Variants in UNC5C observed in about 807,000 individuals in gnomAD.
The protein encoded by UNC5C is netrin receptor UNC5C.
In UNC5C, 47 loss-of-function variants were observed where a neutral mutation model predicts 99.8. The observed-to-expected ratio is 0.47, with a 90% CI of 0.37 to 0.60. The LOEUF (loss-of-function observed/expected upper bound fraction) is 0.60, where lower values mean the gene tolerates loss of function less well. Ranked by LOEUF, UNC5C falls within the 20% of genes least tolerant of loss-of-function variation. The pLI is 0.00. For missense variants in UNC5C, 1,062 were observed against 1,165.9 expected (o/e 0.91, Z 1.30); for synonymous variants, 487 against 452.2 (o/e 1.08, Z -0.98).
At chr4:95,421,491 T>C (rs1746318786) in intron 1 of UNC5C, among the ~76,000 whole-genome samples, 1 of 152,174 alleles carries the variant, frequency 6.6e-6, no homozygotes, top group Non-Finnish European at 1.5e-5. Context: ...TGGTAGATTT[T>C]TTTTTTTTCA....
Position 95,214,737 on chromosome 4 carries a change from G to A in UNC5C, c.1733+1387C>T, listed in dbSNP as rs72878182. ...ATTTCTATTTAAACAAAATGTCCAC[G>A]CTGACAAAGGCCTTGATGGATAGAT... On this transcript the variant is annotated intron_variant, in intron 10 of 15. Transcript: ENST00000453304. Among the ~76,000 whole-genome samples, 109 of 152,260 alleles carry A rather than the reference G, an allele frequency of 7.2e-4. 1 individual carries two copies. The highest frequency in any genetic ancestry group is 2.5e-3 in the African/African-American group (103 of 41,546).
chr4:95,461,206 C>T (rs1337792701), intron 1 of UNC5C, among the ~76,000 whole-genome samples: 1 of 152,092 alleles, frequency 6.6e-6, no homozygotes, highest in African/African-American at 2.4e-5. Context: ...TCTTTTTCCT[C>T]CAAGGATAGT....
intron 12 of UNC5C, among the ~76,000 whole-genome samples, chr4:95,195,268 G>A (rs1174293002): frequency 2.0e-5 from 3 of 152,154 alleles, no homozygotes; most frequent in Non-Finnish European, 4.4e-5. Context: ...CTGATAAGTG[G>A]CACAGCCAGT....
At chr4:95,465,220 T>A (rs1747736165) in intron 1 of UNC5C, among the ~76,000 whole-genome samples, 2 of 152,276 alleles carry the variant, frequency 1.3e-5, no homozygotes, top group South Asian at 2.1e-4. Flanking sequence ...GGGAAGCAGA[T>A]GAGTTATTTT....
rs962517210 is a variant in UNC5C at position 95,439,791 on chromosome 4, C to T, written c.125-104160G>A. Among the ~76,000 whole-genome samples, 7 of 152,014 alleles carry T rather than the reference C, an allele frequency of 4.6e-5. No individual in the cohort carries two copies. In the East Asian group the frequency reaches 5.8e-4, roughly 13 times the overall value. On this transcript the variant is annotated intron_variant, in intron 1 of 15. Transcript: ENST00000453304. ...TTAGACTGGCTAATTGGGTGGGAAACGTAAACCCATATGTCAGGGCGTGTA... is the reference window on the plus strand; with the variant it reads ...TTAGACTGGCTAATTGGGTGGGAAATGTAAACCCATATGTCAGGGCGTGTA...
At chr4:95,455,652 A>G (rs1747406746) in intron 1 of UNC5C, among the ~76,000 whole-genome samples, 1 of 152,052 alleles carries the variant, frequency 6.6e-6, no homozygotes, top group Non-Finnish European at 1.5e-5. Context: ...ATATATAAAT[A>G]AAGTGGCTTA....
At chr4:95,287,132 A>C (rs1741265724) in intron 3 of UNC5C, among the ~76,000 whole-genome samples, 1 of 152,224 alleles carries the variant, frequency 6.6e-6, no homozygotes, top group South Asian at 2.1e-4. Flanking sequence ...CAAGAAAGCC[A>C]ACAAGAGATG....
chr4:95,441,384 ATG>A (rs1207981313), intron 1 of UNC5C, among the ~76,000 whole-genome samples: 1 of 152,234 alleles, frequency 6.6e-6, no homozygotes, highest in Non-Finnish European at 1.5e-5. Flanking sequence ...TCAAAATTGT[ATG>A]TTTCAAAAGA....
At chr4:95,333,465 A>G (rs964094593) in intron 2 of UNC5C, among the ~76,000 whole-genome samples, 3 of 151,662 alleles carry the variant, frequency 2.0e-5, no homozygotes, top group Non-Finnish European at 2.9e-5. Context: ...GTAAACTATC[A>G]CAAGGACAAA....
At chr4:95,264,692 A>T (rs1043963645) in intron 4 of UNC5C, among the ~76,000 whole-genome samples, 2 of 151,794 alleles carry the variant, frequency 1.3e-5, no homozygotes, top group Non-Finnish European at 1.5e-5. Flanking sequence ...CTGCTCATTC[A>T]CTCTTCCATT....
intron 7 of UNC5C, among the ~76,000 whole-genome samples, chr4:95,222,043 C>T (rs1003678575): frequency 2.0e-5 from 3 of 152,026 alleles, no homozygotes; most frequent in East Asian, 1.9e-4. Context: ...TTGAAATGAC[C>T]CTTTCTTCTC....
chr4:95,435,225 A>C (rs1356681599), intron 1 of UNC5C, among the ~76,000 whole-genome samples: 1 of 152,082 alleles, frequency 6.6e-6, no homozygotes, highest in Non-Finnish European at 1.5e-5. Context: ...TGCAAAACCC[A>C]GTGTGAATGA....
chr4:95,295,974 T>A (rs1276780958), intron 3 of UNC5C, among the ~76,000 whole-genome samples: 2 of 152,024 alleles, frequency 1.3e-5, no homozygotes, highest in Non-Finnish European at 2.9e-5. Context: ...TAATCCCAGC[T>A]ACATGGGGGG....
chr4:95,514,876 G>A (rs13135096), intron 1 of UNC5C, among the ~76,000 whole-genome samples: 38,879 of 151,410 alleles, frequency 0.26, 6,146 homozygotes, highest in Non-Finnish European at 0.35. Flanking sequence ...GTTTCACCAT[G>A]TTGGCCAGAC....
At chr4:95,491,271 C>T (rs1422665255) in intron 1 of UNC5C, among the ~76,000 whole-genome samples, 1 of 151,314 alleles carries the variant, frequency 6.6e-6, no homozygotes, top group Non-Finnish European at 1.5e-5. Context: ...CAATATAGTG[C>T]TGTATTGCTA....
At chr4:95,279,494 G>A (rs969725880) in intron 3 of UNC5C, among the ~76,000 whole-genome samples, 1 of 152,070 alleles carries the variant, frequency 6.6e-6, no homozygotes, top group Non-Finnish European at 1.5e-5. Context: ...TAATTATTTT[G>A]TTTTAATGGT....
At chr4:95,332,594 G>A (rs1345462323) in intron 2 of UNC5C, among the ~76,000 whole-genome samples, 1 of 151,546 alleles carries the variant, frequency 6.6e-6, no homozygotes, top group South Asian at 2.1e-4. Flanking sequence ...AGACTTAAAC[G>A]TTAGACCTAA....
chr4:95,405,251 G>A (rs2149449855), intron 1 of UNC5C, among the ~76,000 whole-genome samples: 1 of 152,270 alleles, frequency 6.6e-6, no homozygotes, highest in East Asian at 1.9e-4. Flanking sequence ...AGACACTACT[G>A]CAGAGCTGGA....
At chr4:95,269,920 G>T (rs558771702) in intron 4 of UNC5C, among the ~76,000 whole-genome samples, 1 of 151,956 alleles carries the variant, frequency 6.6e-6, no homozygotes, top group Non-Finnish European at 1.5e-5. Flanking sequence ...TCACCATGTT[G>T]GTCAGGCTGG....
Sources: gnomAD v4.1 joint callset for allele counts (sites outside exome capture counted in the v4.1 genomes callset) on GRCh38, gnomAD v4.1.1 for gene constraint, MANE v1.5 for transcripts, NCBI Gene and HGNC (gene_info 2026-07-23, HGNC 2026-07-21) for gene names.